Variants in CSMD2 observed in about 807,000 individuals in gnomAD.
CSMD2 encodes the protein CUB and Sushi multiple domains 2.
In CSMD2, 130 loss-of-function variants were observed where a neutral mutation model predicts 398.5. The observed-to-expected ratio is 0.33, with a 90% CI of 0.28 to 0.38. The LOEUF (loss-of-function observed/expected upper bound fraction) is 0.38. CSMD2 is among the 10% of genes least tolerant of loss of function. The probability of loss-of-function intolerance (pLI) is 1.00; values close to 1 mark genes in which losing one functional copy is unlikely to be tolerated. For synonymous variants in CSMD2, 1,828 were observed against 1,908.5 expected, an observed-to-expected ratio of 0.96 and a Z score of 1.10; for missense variants, 3,829 against 4,764.9, an observed-to-expected ratio of 0.80 and a Z score of 5.78.
chr1:34,010,810 A>G (rs1007540166), intron 3 of CSMD2, among the ~76,000 whole-genome samples: 5 of 151,978 alleles, frequency 3.3e-5, no homozygotes, highest in Non-Finnish European at 7.4e-5. Context: ...AGTAGAGACG[A>G]GGTTTCACCG....
At chr1:33,782,888 T>C (rs1652973922) in intron 12 of CSMD2, among the ~76,000 whole-genome samples, 8 of 152,094 alleles carry the variant, frequency 5.3e-5, no homozygotes. Flanking sequence ...ATTTTTTTTT[T>C]AACTAGGGGG....
chr1:33,651,092 G>A (rs1161461778), intron 28 of CSMD2, among the ~76,000 whole-genome samples: 1 of 152,176 alleles, frequency 6.6e-6, no homozygotes, highest in South Asian at 2.1e-4. Flanking sequence ...GCATTTTTGA[G>A]TGACACGATC....
chr1:33,906,963 A>G (rs898728220), intron 5 of CSMD2, among the ~76,000 whole-genome samples: 3 of 152,094 alleles, frequency 2.0e-5, no homozygotes, highest in African/African-American at 7.2e-5. Flanking sequence ...GCAAGCAGAA[A>G]GCAGAGCCCC....
At chr1:33,613,229 G>T (rs1641163390) in intron 40 of CSMD2, among the ~76,000 whole-genome samples, 1 of 152,188 alleles carries the variant, frequency 6.6e-6, no homozygotes, top group South Asian at 2.1e-4. Context: ...TTAGCACCCA[G>T]AATTTAGAGG....
intron 23 of CSMD2, among the ~76,000 whole-genome samples, chr1:33,700,146 T>C (rs931518495): frequency 1.3e-5 from 2 of 152,094 alleles, no homozygotes; most frequent in Non-Finnish European, 2.9e-5. Context: ...GTAGCTGGGA[T>C]TACAGGCACC....
At chr1:34,127,293 G>A (rs949463743) in intron 1 of CSMD2, among the ~76,000 whole-genome samples, 1 of 152,226 alleles carries the variant, frequency 6.6e-6, no homozygotes, top group Non-Finnish European at 1.5e-5. Context: ...GGCAGCCAGA[G>A]AGGAGTTCAG....
chr1:33,698,054 G>A (rs1252780408), intron 24 of CSMD2, among the ~76,000 whole-genome samples: 3 of 152,278 alleles, frequency 2.0e-5, no homozygotes, highest in South Asian at 4.1e-4. Flanking sequence ...GCAGTATGGG[G>A]GAACTCACAT....
intron 4 of CSMD2, among the ~76,000 whole-genome samples, chr1:33,918,753 A>G (rs1018952068): frequency 2.0e-5 from 3 of 152,216 alleles, no homozygotes; most frequent in African/African-American, 7.2e-5. Flanking sequence ...ATTGGAAAGG[A>G]AATGGATTTT....
At chr1:33,993,002 T>C (rs929123187) in intron 3 of CSMD2, among the ~76,000 whole-genome samples, 2 of 152,044 alleles carry the variant, frequency 1.3e-5, no homozygotes, top group South Asian at 2.1e-4. Context: ...AGTTTCAGAA[T>C]AGTACATCTT....
At chr1:33,941,723 C>G (rs1430245564) in intron 3 of CSMD2, among the ~76,000 whole-genome samples, 1 of 152,168 alleles carries the variant, frequency 6.6e-6, no homozygotes, top group Non-Finnish European at 1.5e-5. Context: ...CATACTTACT[C>G]TGTGCTATCC....
At chr1:33,763,076 T>C (rs1406008381) in intron 13 of CSMD2, among the ~76,000 whole-genome samples, 2 of 152,138 alleles carry the variant, frequency 1.3e-5, no homozygotes, top group Non-Finnish European at 2.9e-5. Context: ...CAACAGCATA[T>C]GAACACAACG....
intron 1 of CSMD2, among the ~76,000 whole-genome samples, chr1:34,102,653 C>CGGCCATATCCCTGT (rs1405911752): frequency 2.5e-5 from 2 of 81,156 alleles, no homozygotes; most frequent in Non-Finnish European, 3.3e-5. Context: ...CCCTGTAATC[C>CGGCCATATCCCTGT]AACCATATCC....
rs1460427322 is a variant in CSMD2, at chr1:34,072,247, A to G, written c.404+16730T>C. On this transcript the variant is annotated intron_variant, in intron 2 of 70. Coordinates refer to ENST00000373381, the MANE Select transcript of CSMD2 (RefSeq NM_001281956.2). ...GTTTTAGATTTACTTTAATTCCAAG[A>G]GAATGAGGGACTCAATACTTGGGAA... is the stretch of plus-strand genomic sequence containing the variant. 7.9e-5 allele frequency among the ~76,000 whole-genome samples: 12 copies of G among 152,368 alleles called. No homozygotes were observed. The South Asian group carries it at 2.5e-3, about 32-fold the overall frequency.
At position 33,564,441 on chromosome 1, in the gene CSMD2, T is replaced by G. The variant is rs189798097; in HGVS notation, c.8380+3152A>C. Among the ~76,000 whole-genome samples, 83 of 152,316 alleles carry G rather than the reference T, an allele frequency of 5.4e-4. 3 individuals are homozygous for G. Among genetic ancestry groups the G allele is most frequent in the African/African-American group, 1.9e-3 (81 of 41,570 alleles). The stretch of plus-strand genomic sequence containing the variant: ...CCCAGACCCCGACAGTCTCTATTAT[T>G]TATTACCTAAATCTCTTTGTATACA... On this transcript the variant is annotated intron_variant, in intron 53 of 70. Transcript: ENST00000373381.
chr1:34,016,734 T>C (rs1418684132), intron 3 of CSMD2, among the ~76,000 whole-genome samples: 1 of 152,142 alleles, frequency 6.6e-6, no homozygotes, highest in Non-Finnish European at 1.5e-5. Flanking sequence ...TAAAGAAACA[T>C]ATTTTTAAAA....
rs187962513 is a variant in CSMD2 at position 33,821,666 on chromosome 1, G to A, written c.1112-1110C>T. ...AACAAGCATTCATTGAGCACCTACT[G>A]TGTACAAGGCTTTATTTGGATACCA... On this transcript the variant is annotated intron_variant, in intron 7 of 70. Coordinates refer to ENST00000373381, the MANE Select transcript of CSMD2 (RefSeq NM_001281956.2). Among the ~76,000 whole-genome samples the A allele has an allele frequency of 2.0e-5, 3 of 152,316 alleles. No homozygotes were observed. The East Asian group carries it at 5.8e-4, about 29-fold the overall frequency.
intron 25 of CSMD2, among the ~76,000 whole-genome samples, chr1:33,685,006 C>T (rs565476805): frequency 1.3e-5 from 2 of 152,310 alleles, no homozygotes; most frequent in Non-Finnish European, 2.9e-5. Context: ...CCCACTTTTT[C>T]CCTGCCAGGC....
intron 13 of CSMD2, among the ~76,000 whole-genome samples, chr1:33,765,172 C>T (rs556971734): frequency 1.3e-5 from 2 of 152,180 alleles, no homozygotes; most frequent in Admixed American, 1.3e-4. Context: ...AGTGCACATA[C>T]AAAAATCCCA....
intron 7 of CSMD2, among the ~76,000 whole-genome samples, chr1:33,822,751 C>T (rs184746097): frequency 4.1e-4 from 63 of 152,250 alleles, no homozygotes; most frequent in African/African-American, 1.5e-3. Flanking sequence ...TCCTCTAAGG[C>T]ACCCAGAAGG....
Sources: gnomAD v4.1 joint callset for allele counts (sites outside exome capture counted in the v4.1 genomes callset) on GRCh38, gnomAD v4.1.1 for gene constraint, MANE v1.5 for transcripts, NCBI Gene and HGNC (gene_info 2026-07-23, HGNC 2026-07-21) for gene names.